Variants in SHOC1 observed in about 807,000 individuals in gnomAD.
The protein encoded by SHOC1 is shortage in chiasmata 1.
A neutral mutation model predicts 179.2 loss-of-function variants in SHOC1; 136 were observed. The ratio of observed to expected loss-of-function variants is 0.76; its 90% confidence interval spans 0.66 to 0.87. The LOEUF (loss-of-function observed/expected upper bound fraction) is 0.87, where lower values mean the gene tolerates loss of function less well. Among genes scored for constraint, SHOC1 ranks in the 40% least tolerant of loss-of-function variants. SHOC1 has a pLI of 0.00. For missense variants in SHOC1, 1,538 were observed against 1,700.8 expected (o/e 0.90, Z 1.68); for synonymous variants, 489 against 586.6 (o/e 0.83, Z 2.41).
At position 111,728,723 on chromosome 9, in the gene SHOC1, G is replaced by C. The variant is rs567508242; in HGVS notation, c.1418-674C>G. 2.0e-5 allele frequency among the ~76,000 whole-genome samples: 3 copies of C among 152,254 alleles called. No individual in the cohort carries two copies. The South Asian group carries it at 6.2e-4, about 32-fold the overall frequency. ...AGGATTTCTTTTGGGGATGGTACAA[G>C]TTTTCTAAAATGGTTTGTGGTGATG... On this transcript the variant is annotated intron_variant, in intron 12 of 27. Transcript: ENST00000682961.
At chr9:111,769,986 GTTTTTTTT>G (rs769266659) in intron 5 of SHOC1, among the ~76,000 whole-genome samples, 1 of 77,662 alleles carries the variant, frequency 1.3e-5, no homozygotes, top group African/African-American at 6.6e-5. Flanking sequence ...TTTTTTTTTT[GTTTTTTTT>G]TTTTTTTTTT....
chr9:111,746,321 GT>G lies in SHOC1; in HGVS notation c.991del (p.Thr331LeufsTer5). 2 of 1,608,066 alleles carry G rather than the reference GT, an allele frequency of 1.2e-6. No individual in the cohort carries two copies. The highest frequency in any genetic ancestry group is 1.7e-6 in the Non-Finnish European group (2 of 1,174,828). On this transcript the variant is annotated frameshift_variant, in exon 10 of 28. Coordinates refer to ENST00000682961, the MANE Select transcript of SHOC1 (RefSeq NM_001378211.1). LOFTEE classifies it high-confidence loss of function. ...ATGTTGGCATGTTAGGAATAGAGGAGTTAGTGGCATTTCTAACTCTCCTGGA... is the reference window on the plus strand; with the variant it reads ...ATGTTGGCATGTTAGGAATAGAGGAGTAGTGGCATTTCTAACTCTCCTGGA... ...SKPGELEMPLTPLFLTCQHSS... is the reference protein window; with the variant it reads ...SKPGELEMPLXPLFLTCQHSS...
chr9:111,779,629 C>A (rs888815432), intron 4 of SHOC1, among the ~76,000 whole-genome samples: 1 of 147,104 alleles, frequency 6.8e-6, no homozygotes, highest in Non-Finnish European at 1.5e-5. Context: ...CACAGCTCTA[C>A]CAATCTAACT....
intron 18 of SHOC1, among the ~76,000 whole-genome samples, chr9:111,712,251 A>C (rs1451058367): frequency 6.6e-6 from 1 of 152,224 alleles, no homozygotes; most frequent in Non-Finnish European, 1.5e-5. Context: ...GACACCTAGA[A>C]TAATGACAGG....
At chr9:111,770,197 C>T (rs1387004764) in intron 5 of SHOC1, among the ~76,000 whole-genome samples, 1 of 151,792 alleles carries the variant, frequency 6.6e-6, no homozygotes, top group African/African-American at 2.4e-5. Flanking sequence ...TCTTGCCATA[C>T]CCCATAGATT....
At chr9:111,786,738 A>C (rs1243268136) in intron 2 of SHOC1, among the ~76,000 whole-genome samples, 1 of 152,160 alleles carries the variant, frequency 6.6e-6, no homozygotes, top group East Asian at 1.9e-4. Flanking sequence ...CATGAACTGC[A>C]CCATATAAGA....
intron 5 of SHOC1, among the ~76,000 whole-genome samples, chr9:111,766,980 T>A (rs1243792602): frequency 1.3e-5 from 2 of 152,204 alleles, no homozygotes. Context: ...CATAAATCTG[T>A]TGGCCATTTC....
At chr9:111,692,711 G>A (rs1414654100) in intron 26 of SHOC1, among the ~76,000 whole-genome samples, 200 bp from the exon 27 acceptor site, 1 of 152,076 alleles carries the variant, frequency 6.6e-6, no homozygotes, top group Non-Finnish European at 1.5e-5. Context: ...CTAATCACTT[G>A]TAATAGAATT....
At chr9:111,768,591 G>T (rs925382391) in intron 5 of SHOC1, among the ~76,000 whole-genome samples, 1 of 152,132 alleles carries the variant, frequency 6.6e-6, no homozygotes, top group African/African-American at 2.4e-5. Context: ...GAGTCTTTGG[G>T]TTTTTTAAAT....
chr9:111,700,810 GAACTTT>G (rs930856950), intron 23 of SHOC1, among the ~76,000 whole-genome samples: 7 of 151,836 alleles, frequency 4.6e-5, no homozygotes, highest in African/African-American at 1.7e-4. Flanking sequence ...TTAGAGTCTA[GAACTTT>G]GATTAAGTGT....
At chr9:111,749,835 A>G (rs1027058757) in intron 8 of SHOC1, among the ~76,000 whole-genome samples, 2 of 152,138 alleles carry the variant, frequency 1.3e-5, no homozygotes, top group Non-Finnish European at 2.9e-5. Context: ...CCATCCATGT[A>G]CCTGCAAAGG....
chr9:111,726,565 A>G (rs12350728), intron 13 of SHOC1, among the ~76,000 whole-genome samples: 29,113 of 152,146 alleles, frequency 0.19, 2,938 homozygotes, highest in Non-Finnish European at 0.22. Flanking sequence ...GCCCAGCCCC[A>G]GTAATATTAC....
At chr9:111,770,464 A>G (rs1835557825) in intron 5 of SHOC1, among the ~76,000 whole-genome samples, 1 of 152,202 alleles carries the variant, frequency 6.6e-6, no homozygotes. Context: ...AGAATATTCC[A>G]TGTGCTGATG....
rs745792030 is a variant in SHOC1, at chr9:111,706,598, TA to T, written c.2706del (p.Phe902LeufsTer3). The T allele has an allele frequency of 6.3e-7, 1 of 1,587,604 alleles. No homozygotes were observed. ...CKELNIPYMA[F>X]KVILPDTVLE... ...AAAACTGTGTCTGGAAGAATCACTTTAAAGGCCATGTAAGGAATATTCAACT... is the reference window on the plus strand; with the variant it reads ...AAAACTGTGTCTGGAAGAATCACTTTAAGGCCATGTAAGGAATATTCAACT... On this transcript the variant is annotated frameshift_variant, in exon 20 of 28. Transcript: ENST00000682961. LOFTEE classifies it high-confidence loss of function.
chr9:111,759,165 T>C, intron 5 of SHOC1: 5 of 1,608,374 alleles, frequency 3.1e-6, no homozygotes, highest in Non-Finnish European at 4.2e-6. Context: ...CACTTCAAAA[T>C]AGCCAGGCGT....
At chr9:111,784,360 C>G (rs1014381552) in intron 3 of SHOC1, among the ~76,000 whole-genome samples, 2 of 151,998 alleles carry the variant, frequency 1.3e-5, no homozygotes, top group African/African-American at 4.8e-5. Flanking sequence ...ATTTTGTGAC[C>G]CCCTCACTGT....
At chr9:111,777,298 T>G (rs1835873328) in intron 4 of SHOC1, among the ~76,000 whole-genome samples, 1 of 152,214 alleles carries the variant, frequency 6.6e-6, no homozygotes, top group African/African-American at 2.4e-5. Flanking sequence ...ATTTCTAATC[T>G]TGTAGCTAAT....
At chr9:111,703,425 T>C (rs1381811472) in intron 22 of SHOC1, among the ~76,000 whole-genome samples, 1 of 152,126 alleles carries the variant, frequency 6.6e-6, no homozygotes, top group African/African-American at 2.4e-5. Context: ...AATTCCAAAC[T>C]ATATGAATTT....
chr9:111,741,457 A>C lies in SHOC1; in HGVS notation c.1174+19T>G, dbSNP rs374364816. Reference sequence around the variant, plus strand: ...TACCTATACTTTCTATTTATCACTTAAAGGCAATTAATCTTTACCTGTAAG... The same window carrying C: ...TACCTATACTTTCTATTTATCACTTCAAGGCAATTAATCTTTACCTGTAAG... On this transcript the variant is annotated intron_variant, in intron 11 of 27. Transcript: ENST00000682961. The C allele has an allele frequency of 3.6e-5, 51 of 1,399,764 alleles. No homozygotes were observed. Among genetic ancestry groups the C allele is most frequent in the Non-Finnish European group, 5.1e-5 (51 of 993,388 alleles). The allele number at this position is 1,399,764 out of a possible 1,614,324, so 86.7% of individuals were successfully genotyped here. A position where few individuals can be genotyped will look rare whatever the true frequency, so the allele number is the denominator to read the frequency against.
Sources: allele counts gnomAD v4.1 joint callset (sites outside exome capture counted in the v4.1 genomes callset), GRCh38; gene constraint gnomAD v4.1.1; transcripts MANE v1.5; gene names NCBI Gene and HGNC (gene_info 2026-07-23, HGNC 2026-07-21).